Variants in SMIM10L3 observed in about 807,000 individuals in gnomAD.
The protein encoded by SMIM10L3 is small integral membrane protein 10 like 3.
the SMIM10L3 span, among the ~76,000 whole-genome samples, chr7:6,345,750 C>G: frequency 6.6e-6 from 1 of 151,684 alleles, no homozygotes; most frequent in Non-Finnish European, 1.5e-5. Context: ...TTTTTAAAAT[C>G]TGTTTTTTTG....
At chr7:6,333,954 C>G in the SMIM10L3 span, among the ~76,000 whole-genome samples, 1 of 148,994 alleles carries the variant, frequency 6.7e-6, no homozygotes, top group Non-Finnish European at 1.5e-5. Context: ...TCACGCCATT[C>G]TCCTGCCTCA....
At chr7:6,329,679 A>T in the SMIM10L3 span, 131 of 165,244 alleles carry the variant, frequency 7.9e-4, 2 homozygotes, top group South Asian at 1.0e-3. Flanking sequence ...AATCTGGGAA[A>T]CTTTTTATGT....
the SMIM10L3 span, chr7:6,330,315 A>G: frequency 0.03 from 45,229 of 1,502,966 alleles, 821 homozygotes; most frequent in Middle Eastern, 0.072. Context: ...ACTTAATGCG[A>G]AAGAAATCAT....
the SMIM10L3 span, among the ~76,000 whole-genome samples, chr7:6,342,719 GA>G: frequency 6.6e-6 from 1 of 152,050 alleles, no homozygotes; most frequent in South Asian, 2.1e-4. Flanking sequence ...GTCCAACATA[GA>G]AAGACATAAA....
At chr7:6,345,036 G>C in the SMIM10L3 span, among the ~76,000 whole-genome samples, 1 of 151,708 alleles carries the variant, frequency 6.6e-6, no homozygotes, top group African/African-American at 2.4e-5. Context: ...ATCCCACCAC[G>C]CCCGGCCACT....
At chr7:6,330,836 A>T in the SMIM10L3 span, 1 of 1,614,170 alleles carries the variant, frequency 6.2e-7, no homozygotes, top group East Asian at 2.2e-5. Context: ...GGAGCAGGGA[A>T]CAAACCCACG....
the SMIM10L3 span, among the ~76,000 whole-genome samples, chr7:6,347,969 G>A: frequency 6.6e-5 from 10 of 150,698 alleles, no homozygotes; most frequent in South Asian, 4.2e-4. Context: ...GGAGCGCAAT[G>A]GAGCGATCTC....
chr7:6,333,472 A>AG, the SMIM10L3 span, among the ~76,000 whole-genome samples: 4 of 152,168 alleles, frequency 2.6e-5, no homozygotes, highest in African/African-American at 9.7e-5. Flanking sequence ...TGTGATCATA[A>AG]GGAGGGACAG....
the SMIM10L3 span, among the ~76,000 whole-genome samples, chr7:6,333,784 T>C: frequency 6.6e-6 from 1 of 151,534 alleles, no homozygotes; most frequent in Non-Finnish European, 1.5e-5. Context: ...TTTTTTTTTT[T>C]TTAATAGAGA....
the SMIM10L3 span, among the ~76,000 whole-genome samples, chr7:6,332,967 T>C: frequency 6.6e-6 from 1 of 151,870 alleles, no homozygotes; most frequent in Admixed American, 6.6e-5. Context: ...GAGACAAGCA[T>C]GGTCAACATG....
chr7:6,333,840 CTTTTTTTT>C, the SMIM10L3 span, among the ~76,000 whole-genome samples: 2 of 96,844 alleles, frequency 2.1e-5, no homozygotes, highest in African/African-American at 7.9e-5. Flanking sequence ...CTCCTGGCCT[CTTTTTTTT>C]TTTTTTTTTT....
chr7:6,331,951 G>T, the SMIM10L3 span, among the ~76,000 whole-genome samples: 4 of 151,416 alleles, frequency 2.6e-5, no homozygotes, highest in Non-Finnish European at 5.9e-5. Flanking sequence ...TCGCCATGTT[G>T]GCCAGGTGAA....
chr7:6,346,443 T>A, the SMIM10L3 span, among the ~76,000 whole-genome samples: 1 of 152,154 alleles, frequency 6.6e-6, no homozygotes, highest in African/African-American at 2.4e-5. Flanking sequence ...CTCGGCTCAC[T>A]GCAACGTCTG....
chr7:6,348,236 G>GT, the SMIM10L3 span, among the ~76,000 whole-genome samples: 3 of 151,204 alleles, frequency 2.0e-5, no homozygotes, highest in East Asian at 5.9e-4. Context: ...AAAATAAGGG[G>GT]GGGGGTTGCA....
At chr7:6,337,828 G>C in the SMIM10L3 span, among the ~76,000 whole-genome samples, 1 of 145,900 alleles carries the variant, frequency 6.9e-6, no homozygotes, top group Non-Finnish European at 1.5e-5. Flanking sequence ...TTTTGAGACA[G>C]AGTCTTGCTC....
At chr7:6,331,973 G>A in the SMIM10L3 span, among the ~76,000 whole-genome samples, 4 of 151,920 alleles carry the variant, frequency 2.6e-5, no homozygotes, top group East Asian at 1.9e-4. Flanking sequence ...TTAGCCAGGT[G>A]TGATGGCAGG....
the SMIM10L3 span, among the ~76,000 whole-genome samples, chr7:6,333,929 C>A: frequency 2.0e-5 from 3 of 147,462 alleles, no homozygotes; most frequent in Non-Finnish European, 4.5e-5. Flanking sequence ...TCACTAAAAG[C>A]TCCACCTCCC....
At chr7:6,334,134 C>G in the SMIM10L3 span, among the ~76,000 whole-genome samples, 1 of 151,572 alleles carries the variant, frequency 6.6e-6, no homozygotes, top group African/African-American at 2.4e-5. Flanking sequence ...GCGTGAGCCA[C>G]CGCACCCAGC....
At chr7:6,348,072 G>A in the SMIM10L3 span, among the ~76,000 whole-genome samples, 1 of 151,436 alleles carries the variant, frequency 6.6e-6, no homozygotes, top group Admixed American at 6.6e-5. Context: ...CACCACGCCC[G>A]GCTAATTCTG....
Sources: allele counts gnomAD v4.1 joint callset (sites outside exome capture counted in the v4.1 genomes callset), GRCh38; gene constraint gnomAD v4.1.1; transcripts MANE v1.5; gene names NCBI Gene and HGNC (gene_info 2026-07-23, HGNC 2026-07-21).